WDR3: variants seen among roughly 807,000 people sequenced by gnomAD.
The protein encoded by WDR3 is WD repeat-containing protein 3.
A neutral mutation model predicts 123.7 loss-of-function variants in WDR3; 81 were observed. That is an observed-to-expected ratio of 0.65 (90% CI 0.55 to 0.79). The LOEUF (loss-of-function observed/expected upper bound fraction) is 0.79, where lower values mean the gene tolerates loss of function less well. Ranked by LOEUF, WDR3 falls within the 30% of genes least tolerant of loss-of-function variation. The pLI is 0.00. For synonymous variants in WDR3, 390 were observed against 388.8 expected, an observed-to-expected ratio of 1.00 and a Z score of -0.04; for missense variants, 1,027 against 1,123.2, an observed-to-expected ratio of 0.91 and a Z score of 1.22.
chr1:117,949,713 T>C (rs1275706387), intron 13 of WDR3, 38 bp from the exon 14 acceptor site: 3 of 1,603,760 alleles, frequency 1.9e-6, no homozygotes, highest in Non-Finnish European at 2.6e-6. Context: ...GTTTTTATGC[T>C]AAAATAGTTT....
intron 6 of WDR3, 23 bp from the exon 7 acceptor site, chr1:117,940,804 A>G (rs1651120490): frequency 1.3e-6 from 2 of 1,577,824 alleles, no homozygotes; most frequent in Non-Finnish European, 1.7e-6. Flanking sequence ...TTCAGCTTTT[A>G]TTTTCTCATT....
intron 2 of WDR3, chr1:117,933,789 A>C (rs1343160262): frequency 2.8e-6 from 1 of 359,960 alleles, no homozygotes; most frequent in Non-Finnish European, 5.3e-6. Context: ...TTTCTCTACC[A>C]ATTCTATTTT....
At chr1:117,936,080 A>G (rs1056509397) in intron 3 of WDR3, among the ~76,000 whole-genome samples, 1 of 152,020 alleles carries the variant, frequency 6.6e-6, no homozygotes, top group African/African-American at 2.4e-5. Context: ...TTAAGACTGA[A>G]CATTTTTTAC....
chr1:117,959,440 T>G lies in WDR3; in HGVS notation c.2825T>G (p.Leu942Trp). 6.2e-7 allele frequency: 1 copy of G among 1,608,910 alleles called. No homozygotes were observed. Among genetic ancestry groups the G allele is most frequent in the Non-Finnish European group, 8.5e-7 (1 of 1,178,326 alleles). ...AAGAGGGAGAAGTTGATTCTAACGT[T>G]GACTTAGAACTGAAATGTGGTATCT... ...RKKREKLILT[L>W]T The change falls in exon 27 of 27, where the codon TTG becomes TGG. Residue 942 changes from leucine (L) to tryptophan (W), a missense_variant. By Grantham distance (61) the Leu-to-Trp change is moderately conservative. Transcript: ENST00000349139.
chr1:117,948,283 T>G, intron 12 of WDR3, 122 bp from the exon 13 acceptor site: 1 of 723,324 alleles, frequency 1.4e-6, no homozygotes, highest in Non-Finnish European at 2.4e-6. Flanking sequence ...GGGATCCATT[T>G]CCTAAGCAAT....
At chr1:117,955,146 T>C (rs1385564877) in intron 23 of WDR3, 169 bp from the exon 24 acceptor site, 1 of 517,580 alleles carries the variant, frequency 1.9e-6, no homozygotes, top group Non-Finnish European at 3.4e-6. Context: ...CAGAGTTCAG[T>C]TGTCAACCCA....
At chr1:117,929,959 G>A (rs1448617830) in intron 1 of WDR3, 177 bp downstream of exon 1, 4 of 152,390 alleles carry the variant, frequency 2.6e-5, no homozygotes, top group Admixed American at 2.6e-4. Context: ...GTACTTGGAA[G>A]CCCCTCAGCT....
Position 117,934,667 on chromosome 1 carries a change from G to A in WDR3, c.366G>A (p.Leu122=), listed in dbSNP as rs780092570. 2 of 1,613,284 alleles carry A rather than the reference G, an allele frequency of 1.2e-6. No individual in the cohort carries two copies. ...AGTATGATCAGCTAGGAGGCAGACTGGCATCTGGGTCCAAGGTGAGCCTTT... is the reference window on the plus strand; with the variant it reads ...AGTATGATCAGCTAGGAGGCAGACTAGCATCTGGGTCCAAGGTGAGCCTTT... ...TLKYDQLGGR[L]ASGSKDTDII... The change falls in exon 3 of 27, where the codon CTG becomes CTA. Residue 122 remains leucine, a synonymous_variant. Coordinates refer to ENST00000349139, the MANE Select transcript of WDR3 (RefSeq NM_006784.3).
In WDR3 at chr1:117,936,968, G is replaced by A. The variant is rs1650963982; in HGVS notation, c.500+81G>A. ...TATTCCTTACTCATTTCTCTCATGA[G>A]CAGTGTGCTCATGCTTATGCATTAG... On this transcript the variant is annotated intron_variant, in intron 4 of 26. Coordinates refer to ENST00000349139, the MANE Select transcript of WDR3 (RefSeq NM_006784.3). 1.3e-5 allele frequency: 16 copies of A among 1,212,306 alleles called. No individual in the cohort carries two copies. In the South Asian group the frequency reaches 1.7e-4, roughly 13 times the overall value. The allele number at this position is 1,212,306 out of a possible 1,614,324, so 75.1% of individuals were successfully genotyped here.
intron 10 of WDR3, 103 bp from the exon 11 acceptor site, chr1:117,943,293 A>G (rs1307354635): frequency 3.9e-6 from 4 of 1,015,070 alleles, no homozygotes; most frequent in African/African-American, 3.3e-5. Context: ...TAGTTATTCA[A>G]ACTTTATATA....
chr1:117,950,864 C>T lies in WDR3; in HGVS notation c.1777C>T (p.Pro593Ser). 3 of 1,609,304 alleles carry T rather than the reference C, an allele frequency of 1.9e-6. No homozygotes were observed. The highest frequency in any genetic ancestry group is 1.7e-6 in the Non-Finnish European group (2 of 1,178,606). Residue 593 changes from proline (P) to serine (S), a missense_variant, in exon 16 of 27, where the codon CCT becomes TCT. Transcript: ENST00000349139. ...FFLSLYGHKL[P>S]VICMDISHDG... ...TCTGTCACTGTATGGACACAAACTGCCTGTTATATGCATGGACATCTCTCA... is the reference window on the plus strand; with the variant it reads ...TCTGTCACTGTATGGACACAAACTGTCTGTTATATGCATGGACATCTCTCA...
Position 117,948,410 on chromosome 1 carries a change from G to A in WDR3, c.1428G>A (p.Gly476=). 6.2e-7 allele frequency: 1 copy of A among 1,613,896 alleles called. No homozygotes were observed. The change falls in exon 13 of 27, where the codon GGG becomes GGA. Residue 476 remains glycine (G), a synonymous_variant. Coordinates refer to ENST00000349139, the MANE Select transcript of WDR3 (RefSeq NM_006784.3). ...DRQVVIGTKT[G]KLQLYDLASG... ...CTCATTTTGTGTCTTCCCAGACAGG[G>A]AAGCTGCAGCTTTATGACTTGGCTT...
intron 24 of WDR3, 107 bp from the exon 25 acceptor site, chr1:117,956,961 C>A: frequency 1.0e-6 from 1 of 975,194 alleles, no homozygotes; most frequent in Non-Finnish European, 1.4e-6. Context: ...AAGATGTATC[C>A]AAGTATAAAA....
chr1:117,934,700 C>G lies in WDR3; in HGVS notation c.381+18C>G. 1 of 1,611,574 alleles carries G rather than the reference C, an allele frequency of 6.2e-7. No homozygotes were observed. Among genetic ancestry groups the G allele is most frequent in the Non-Finnish European group, 8.5e-7 (1 of 1,179,390 alleles). On this transcript the variant is annotated intron_variant, in intron 3 of 26. Transcript: ENST00000349139. ...GGTCCAAGGTGAGCCTTTGAATCAGCCCAGGCTTTGATCTATTAAAGGAAT... is the reference window on the plus strand; with the variant it reads ...GGTCCAAGGTGAGCCTTTGAATCAGGCCAGGCTTTGATCTATTAAAGGAAT...
intron 13 of WDR3, among the ~76,000 whole-genome samples, chr1:117,949,267 A>C (rs1337578419): frequency 6.6e-6 from 1 of 152,140 alleles, no homozygotes; most frequent in African/African-American, 2.4e-5. Flanking sequence ...TAAATCTATG[A>C]GGGACAGACA....
At chr1:117,946,562 C>G (rs78510646) in intron 12 of WDR3, among the ~76,000 whole-genome samples, 3,776 of 152,172 alleles carry the variant, frequency 0.025, 153 homozygotes, top group African/African-American at 0.084. Flanking sequence ...TGATCAAGTC[C>G]TTATTCCTAG....
chr1:117,930,779 A>G (rs764181302), intron 1 of WDR3, among the ~76,000 whole-genome samples: 3 of 152,228 alleles, frequency 2.0e-5, no homozygotes, highest in Non-Finnish European at 4.4e-5. Flanking sequence ...AGTTTAGCAT[A>G]GTGGTTAAAA....
At chr1:117,943,676 A>ATT (rs200391598) in intron 11 of WDR3, 50 bp downstream of exon 11, 2 of 1,551,116 alleles carry the variant, frequency 1.3e-6, no homozygotes, top group Admixed American at 1.8e-5. Flanking sequence ...ATTTCTTTTA[A>ATT]TTTTTTTTGG....
intron 11 of WDR3, among the ~76,000 whole-genome samples, chr1:117,945,743 T>A (rs1387892323): frequency 6.6e-6 from 1 of 152,158 alleles, no homozygotes; most frequent in Non-Finnish European, 1.5e-5. Flanking sequence ...CTATAAAAAA[T>A]GTAGGGATAT....
Sources: allele counts gnomAD v4.1 joint callset (sites outside exome capture counted in the v4.1 genomes callset), GRCh38; gene constraint gnomAD v4.1.1; transcripts MANE v1.5; gene names NCBI Gene and HGNC (gene_info 2026-07-23, HGNC 2026-07-21).